Variants in NFATC1 observed in about 807,000 individuals in gnomAD.
NFATC1 encodes the protein nuclear factor of activated T cells 1, also known as nuclear factor of activated T-cells, cytoplasmic 1.
Under a neutral mutation model 76.0 loss-of-function variants are expected in NFATC1, and 22 were observed. That is an observed-to-expected ratio of 0.29 (90% CI 0.21 to 0.41). The LOEUF (loss-of-function observed/expected upper bound fraction) is 0.41. NFATC1 is among the 10% of genes least tolerant of loss of function. NFATC1 has a pLI of 1.00. For synonymous variants in NFATC1, 704 were observed against 613.1 expected, an observed-to-expected ratio of 1.15 and a Z score of -2.19; for missense variants, 1,357 against 1,337.7, an observed-to-expected ratio of 1.01 and a Z score of -0.23.
At chr18:79,444,946 G>GAAGCCCC (rs2087144562) in intron 3 of NFATC1, among the ~76,000 whole-genome samples, 1 of 152,212 alleles carries the variant, frequency 6.6e-6, no homozygotes. Context: ...CCCAGAGCCC[G>GAAGCCCC]AAGCCCCGGC....
chr18:79,440,793 A>G (rs914955751), intron 3 of NFATC1, among the ~76,000 whole-genome samples: 4 of 152,148 alleles, frequency 2.6e-5, no homozygotes, highest in Non-Finnish European at 4.4e-5. Flanking sequence ...TCTAAGAGGA[A>G]CGAGATGTGG....
intron 3 of NFATC1, among the ~76,000 whole-genome samples, chr18:79,441,213 C>T (rs1052796484): frequency 2.6e-5 from 4 of 152,144 alleles, no homozygotes; most frequent in Admixed American, 2.0e-4. Flanking sequence ...AGGGCTGTGG[C>T]GCTGCAGGGT....
chr18:79,476,057 G>A (rs2089054515), intron 8 of NFATC1, among the ~76,000 whole-genome samples: 1 of 152,064 alleles, frequency 6.6e-6, no homozygotes, highest in African/African-American at 2.4e-5. Context: ...TGAGAGGGCG[G>A]GAAGGGGCTT....
intron 2 of NFATC1, among the ~76,000 whole-genome samples, chr18:79,428,440 C>T (rs1413322724): frequency 6.6e-6 from 1 of 152,210 alleles, no homozygotes; most frequent in African/African-American, 2.4e-5. Flanking sequence ...TGGCAGTGGC[C>T]TTTGTGGTGC....
At chr18:79,454,735 C>T (rs924050218) in intron 6 of NFATC1, among the ~76,000 whole-genome samples, 1 of 152,110 alleles carries the variant, frequency 6.6e-6, no homozygotes, top group Admixed American at 6.5e-5. Flanking sequence ...AATGTTCTTC[C>T]AGGAGGCAGG....
At chr18:79,418,450 A>T (rs541639813) in intron 2 of NFATC1, among the ~76,000 whole-genome samples, 1 of 152,256 alleles carries the variant, frequency 6.6e-6, no homozygotes, top group Non-Finnish European at 1.5e-5. Context: ...CCCTCTTGTC[A>T]CAAGGCCTGT....
Position 79,461,355 on chromosome 18 carries a change from C to G in NFATC1, c.1948C>G (p.Leu650Val). 6.7e-7 allele frequency: 1 copy of G among 1,483,726 alleles called. No individual in the cohort carries two copies. The highest frequency in any genetic ancestry group is 1.1e-5 in the South Asian group (1 of 88,340). 91.9% of individuals were successfully genotyped at this position (1,483,726 alleles called of 1,614,324 possible). A position where few individuals can be genotyped will look rare whatever the true frequency, so the allele number is the denominator to read the frequency against. Residue 650 changes from leucine (L) to valine (V), a missense_variant, in exon 7 of 10, where the codon CTG (leucine) becomes GTG (valine). Leu to Val is a conservative substitution (Grantham distance 32). This residue lies in a region of NFATC1 where 242 missense variants were observed against 329.2 expected (regional missense o/e 0.74). Transcript: ENST00000427363. Reference protein sequence around the residue: ...WEMEAKTDRDLCKPNSLVVEI... With the variant: ...WEMEAKTDRDVCKPNSLVVEI... The stretch of plus-strand genomic sequence containing the variant: ...GATGGAAGCGAAAACTGACCGGGAC[C>G]TGTGCAAGCCGGTGAGTGCCTTTGG...
chr18:79,418,977 A>G (rs2085973396), intron 2 of NFATC1, among the ~76,000 whole-genome samples: 1 of 152,068 alleles, frequency 6.6e-6, no homozygotes, highest in Non-Finnish European at 1.5e-5. Flanking sequence ...AGCCATGAGG[A>G]GGAGAAGGCA....
rs376112387 is a variant in NFATC1, at chr18:79,450,466, T to C, written c.1590-488T>C. Among the ~76,000 whole-genome samples the C allele has an allele frequency of 1.5e-4, 22 of 149,454 alleles. No individual in the cohort carries two copies. In the South Asian group the frequency reaches 4.4e-3, roughly 30 times the overall value. On this transcript the variant is annotated intron_variant, in intron 4 of 9. Coordinates refer to ENST00000427363, the MANE Select transcript of NFATC1 (RefSeq NM_001278669.2). ...CCTAATAATATATAATATATAATTA[T>C]TGTAAATGATAATAATAAATTGAGC...
intron 9 of NFATC1, chr18:79,496,991 C>T (rs947567423): frequency 2.6e-5 from 4 of 152,264 alleles, no homozygotes; most frequent in African/African-American, 4.8e-5. Context: ...TCGCGGGTCC[C>T]AGCTCTACCG....
At chr18:79,493,901 G>A (rs1315708537) in intron 9 of NFATC1, 2 of 152,246 alleles carry the variant, frequency 1.3e-5, no homozygotes, top group Non-Finnish European at 2.9e-5. Context: ...CCCGGAGACG[G>A]AGCCTGCTGT....
At position 79,411,083 on chromosome 18, in the gene NFATC1, C is replaced by T. The variant is rs776340539; in HGVS notation, c.808C>T (p.Leu270Phe). ...ASPCNKRKYS[L>F]NGRQPPYSPH... ...CCCTTGCAACAAGAGGAAGTACAGC[C>T]TCAACGGCCGGCAGCCGCCCTACTC... Residue 270 changes from leucine to phenylalanine, a missense_variant, in exon 2 of 10, where the codon CTC (leucine) becomes TTC (phenylalanine). Coordinates refer to ENST00000427363, the MANE Select transcript of NFATC1 (RefSeq NM_001278669.2). 9 of 1,612,024 alleles carry T rather than the reference C, an allele frequency of 5.6e-6. No individual in the cohort carries two copies. The East Asian group carries it at 2.0e-4, about 36-fold the overall frequency.
At chr18:79,493,393 G>C (rs1369474399) in intron 9 of NFATC1, 2 of 152,274 alleles carry the variant, frequency 1.3e-5, no homozygotes, top group Non-Finnish European at 2.9e-5. Flanking sequence ...CTCCAGCCTC[G>C]TGAGGACAGC....
At chr18:79,489,122 C>A (rs390439) in intron 9 of NFATC1, among the ~76,000 whole-genome samples, 1 of 152,142 alleles carries the variant, frequency 6.6e-6, no homozygotes, top group African/African-American at 2.4e-5. Flanking sequence ...TGGCCTTGGT[C>A]CTAGAGGTCA....
At chr18:79,482,020 G>A (rs903913244) in intron 8 of NFATC1, among the ~76,000 whole-genome samples, 1 of 143,318 alleles carries the variant, frequency 7.0e-6, no homozygotes, top group Non-Finnish European at 1.5e-5. Flanking sequence ...GTGTGACCTG[G>A]TTCCTGGGGT....
In NFATC1 at chr18:79,451,779, G is replaced by T; in HGVS notation, c.1866G>T (p.Leu622=). ...KKMVLSGHNF[L]QDSKVIFVEK... ...TGGTCCTGTCTGGCCACAACTTCCTGCAGGACTCCAAGGTCATTTTCGTGG... is the reference window on the plus strand; with the variant it reads ...TGGTCCTGTCTGGCCACAACTTCCTTCAGGACTCCAAGGTCATTTTCGTGG... Residue 622 remains leucine, a synonymous_variant, in exon 6 of 10, where the codon CTG becomes CTT. Transcript: ENST00000427363. 2 of 1,612,982 alleles carry T rather than the reference G, an allele frequency of 1.2e-6. No homozygotes were observed. Among genetic ancestry groups the T allele is most frequent in the Non-Finnish European group, 1.7e-6 (2 of 1,179,538 alleles).
chr18:79,406,204 C>T (rs2085432428), intron 1 of NFATC1, among the ~76,000 whole-genome samples: 1 of 152,242 alleles, frequency 6.6e-6, no homozygotes, highest in South Asian at 2.1e-4. Context: ...TACCTTTCTA[C>T]CAGCAAATGG....
chr18:79,470,089 G>A lies in NFATC1; in HGVS notation c.2092+2507G>A, dbSNP rs541041146. 38 of 815,578 alleles carry A rather than the reference G, an allele frequency of 4.7e-5. No homozygotes were observed. The Admixed American group carries it at 8.7e-4, about 19-fold the overall frequency. 50.5% of individuals were successfully genotyped at this position (815,578 alleles called of 1,614,324 possible). ...TGCAACCCCGGCTGGGTCTGAGGAC[G>A]CCGAGGCCGCTCCAGGACCTGCGTC... On this transcript the variant is annotated intron_variant, in intron 8 of 9. Transcript: ENST00000427363.
At chr18:79,510,176 G>C (rs1382079524) in intron 9 of NFATC1, among the ~76,000 whole-genome samples, 1 of 152,234 alleles carries the variant, frequency 6.6e-6, no homozygotes, top group Non-Finnish European at 1.5e-5. Flanking sequence ...CAGGTTCCCG[G>C]GCCGTCACTT....
Sources: allele counts gnomAD v4.1 joint callset (sites outside exome capture counted in the v4.1 genomes callset), GRCh38; gene constraint gnomAD v4.1.1; regional missense constraint gnomAD v4.1.1; transcripts MANE v1.5; gene names NCBI Gene and HGNC (gene_info 2026-07-23, HGNC 2026-07-21).